PTPN2: variants seen among roughly 807,000 people sequenced by gnomAD.
The protein encoded by PTPN2 is tyrosine-protein phosphatase non-receptor type 2.
PTPN2 carries 19 observed loss-of-function variants against 57.3 expected under a neutral mutation model. The ratio of observed to expected loss-of-function variants is 0.33; its 90% CI spans 0.23 to 0.49. PTPN2 has a LOEUF of 0.49. PTPN2 is among the 20% of genes least tolerant of loss of function. The probability of loss-of-function intolerance (pLI) is 0.99; values close to 1 mark genes in which losing one functional copy is unlikely to be tolerated. For synonymous variants in PTPN2, 153 were observed against 164.9 expected, an observed-to-expected ratio of 0.93 and a Z score of 0.55; for missense variants, 358 against 501.1, an observed-to-expected ratio of 0.71 and a Z score of 2.73.
chr18:12,864,216 C>G (rs1484876195), intron 1 of PTPN2: 3 of 151,010 alleles, frequency 2.0e-5, no homozygotes, highest in African/African-American at 7.3e-5. Context: ...AAAAAAAATT[C>G]CACTTAGCTC....
chr18:12,845,710 C>G (rs1042504415), intron 2 of PTPN2, among the ~76,000 whole-genome samples: 3 of 152,112 alleles, frequency 2.0e-5, no homozygotes, highest in Admixed American at 6.6e-5. Flanking sequence ...TTCAGTACCT[C>G]AAGTTTATAT....
At chr18:12,827,004 T>G (rs911150015) in intron 4 of PTPN2, among the ~76,000 whole-genome samples, 7 of 152,254 alleles carry the variant, frequency 4.6e-5, no homozygotes, top group Non-Finnish European at 1.0e-4. Context: ...ACATTCACTT[T>G]ATGTTTCTAA....
chr18:12,840,593 G>T, intron 2 of PTPN2: 1 of 1,128,398 alleles, frequency 8.9e-7, no homozygotes, highest in Non-Finnish European at 1.3e-6. Flanking sequence ...ACAGCCCTAT[G>T]AAGTGCATAT....
intron 7 of PTPN2, among the ~76,000 whole-genome samples, chr18:12,812,212 C>T (rs2041915408): frequency 6.6e-6 from 1 of 152,110 alleles, no homozygotes; most frequent in Non-Finnish European, 1.5e-5. Context: ...TGCAAATAGC[C>T]TATATGTCTA....
chr18:12,793,058 CTATCCATAATAATG>C lies in PTPN2; in HGVS notation c.*1206_*1219del, dbSNP rs1355894156. ...TTGAAAACCACTGAAATAAGGTATGCTATCCATAATAATGTATGCTATCCATGCCTCCTAGCAAT... is the reference window on the plus strand; with the variant it reads ...TTGAAAACCACTGAAATAAGGTATGCTATGCTATCCATGCCTCCTAGCAAT... On this transcript the variant is annotated 3_prime_UTR_variant, in exon 9 of 9. Transcript: ENST00000309660. The C allele has an allele frequency of 2.0e-6, 2 of 985,288 alleles. No homozygotes were observed. Among genetic ancestry groups the C allele is most frequent in the Non-Finnish European group, 2.4e-6 (2 of 829,910 alleles). The allele number at this position is 985,288 out of a possible 1,614,324, so 61.0% of individuals were successfully genotyped here. A position where few individuals can be genotyped will look rare whatever the true frequency, so the allele number is the denominator to read the frequency against.
chr18:12,835,132 G>A (rs1014447317), intron 3 of PTPN2, among the ~76,000 whole-genome samples: 2 of 152,074 alleles, frequency 1.3e-5, no homozygotes, highest in African/African-American at 4.8e-5. Flanking sequence ...TGGTTCAAGG[G>A]TCAACTATAG....
chr18:12,811,338 C>A (rs888573239), intron 7 of PTPN2, among the ~76,000 whole-genome samples: 2 of 152,220 alleles, frequency 1.3e-5, no homozygotes, highest in African/African-American at 4.8e-5. Context: ...TGACTGAGAC[C>A]TAGTTATGTA....
At chr18:12,876,463 C>T (rs1317143844) in intron 1 of PTPN2, among the ~76,000 whole-genome samples, 1 of 151,746 alleles carries the variant, frequency 6.6e-6, no homozygotes, top group East Asian at 1.9e-4. Flanking sequence ...GAGACCCCTT[C>T]TCAAGAAAAA....
At chr18:12,809,029 T>C (rs567694763) in intron 7 of PTPN2, among the ~76,000 whole-genome samples, 1 of 152,268 alleles carries the variant, frequency 6.6e-6, no homozygotes, top group East Asian at 1.9e-4. Context: ...AAGCTGGTCC[T>C]TGTGATGCTA....
chr18:12,874,166 C>T (rs2044381680), intron 1 of PTPN2, among the ~76,000 whole-genome samples: 1 of 150,654 alleles, frequency 6.6e-6, no homozygotes, highest in Admixed American at 6.6e-5. Flanking sequence ...TGGGGGTCAG[C>T]CCCCGCCAGG....
rs2041083344 is a variant in PTPN2 at position 12,794,334 on chromosome 18, T to C, written c.1192A>G (p.Ile398Val). 6.2e-7 allele frequency: 1 copy of C among 1,614,098 alleles called. No individual in the cohort carries two copies. Among genetic ancestry groups the C allele is most frequent in the Admixed American group, 1.7e-5 (1 of 60,002 alleles). The change falls in exon 9 of 9, where the codon ATT (isoleucine) becomes GTT (valine). Residue 398 changes from isoleucine to valine, a missense_variant. By Grantham distance (29) the Ile-to-Val change is conservative. Around this residue, in one of 4 missense-constraint regions of PTPN2, gnomAD observed 96 missense variants for 110.8 expected, o/e 0.87. Transcript: ENST00000309660. ...CAGCCAACAAAAGCGCCAACCAAAATGACTGACATAAACCCCATCTTAGTG... is the reference window on the plus strand; with the variant it reads ...CAGCCAACAAAAGCGCCAACCAAAACGACTGACATAAACCCCATCTTAGTG... ...ILTKMGFMSV[I>V]LVGAFVGWTL...
intron 4 of PTPN2, among the ~76,000 whole-genome samples, chr18:12,829,703 C>A (rs531008612): frequency 1.3e-5 from 2 of 152,108 alleles, no homozygotes; most frequent in Non-Finnish European, 2.9e-5. Context: ...CTGTTGAGAA[C>A]AGATGACCTC....
intron 9 of PTPN2, chr18:12,785,890 AAC>A (rs2040833375): frequency 6.6e-7 from 1 of 1,507,344 alleles, no homozygotes. Flanking sequence ...ATATTTACCA[AAC>A]ACACAGACGA....
chr18:12,813,144 A>G (rs2041954918), intron 7 of PTPN2, among the ~76,000 whole-genome samples: 1 of 152,164 alleles, frequency 6.6e-6, no homozygotes. Flanking sequence ...CTGTGAAGGC[A>G]TGGGGAAATC....
intron 1 of PTPN2, among the ~76,000 whole-genome samples, chr18:12,875,547 T>C (rs2044459843): frequency 6.6e-6 from 1 of 152,200 alleles, no homozygotes; most frequent in Admixed American, 6.5e-5. Flanking sequence ...TTGGTTTAAA[T>C]ATCCTCTGAC....
rs2044160034 is a variant in PTPN2 at position 12,870,310 on chromosome 18, C to CATATACATGTGT, written c.70-11057_70-11056insACACATGTATAT. Among the ~76,000 whole-genome samples, 12 of 57,518 alleles carry CATATACATGTGT rather than the reference C, an allele frequency of 2.1e-4. 2 individuals carry two copies. In the East Asian group the frequency reaches 6.2e-3, roughly 30 times the overall value. 37.7% of individuals were successfully genotyped at this position (57,518 alleles called of 152,430 possible). A position where few individuals can be genotyped will look rare whatever the true frequency, so the allele number is the denominator to read the frequency against. ...ATATACATATATATGTGTATATATA[C>CATATACATGTGT]ATATATATGTGTATATATATGTATA... On this transcript the variant is annotated intron_variant, in intron 1 of 8. Coordinates refer to ENST00000309660, the MANE Select transcript of PTPN2 (RefSeq NM_002828.4).
At chr18:12,866,220 C>T (rs1290109944) in intron 1 of PTPN2, among the ~76,000 whole-genome samples, 1 of 152,080 alleles carries the variant, frequency 6.6e-6, no homozygotes, top group African/African-American at 2.4e-5. Context: ...AGGTGGATCA[C>T]GAGGTCAGGA....
chr18:12,796,080 A>G (rs140325182), intron 8 of PTPN2, among the ~76,000 whole-genome samples: 105 of 152,308 alleles, frequency 6.9e-4, no homozygotes, highest in African/African-American at 2.5e-3. Flanking sequence ...AATAATGATT[A>G]AAGAAATGCA....
intron 8 of PTPN2, among the ~76,000 whole-genome samples, chr18:12,800,811 CTCAT>C (rs2041391749): frequency 6.6e-6 from 1 of 152,084 alleles, no homozygotes; most frequent in Non-Finnish European, 1.5e-5. Flanking sequence ...AAAGAAAAAC[CTCAT>C]TCACTTTGCT....
Sources: allele counts gnomAD v4.1 joint callset (sites outside exome capture counted in the v4.1 genomes callset), GRCh38; gene constraint gnomAD v4.1.1; regional missense constraint gnomAD v4.1.1; transcripts MANE v1.5; gene names NCBI Gene and HGNC (gene_info 2026-07-23, HGNC 2026-07-21).